The following GRIK1 variants were observed in gnomAD, a reference collection of about 807,000 sequenced individuals.
GRIK1 encodes glutamate ionotropic receptor kainate type subunit 1.
In GRIK1, 69 loss-of-function variants were observed where a neutral mutation model predicts 105.7. The observed-to-expected ratio is 0.65, with a 90% CI of 0.54 to 0.80. The LOEUF (loss-of-function observed/expected upper bound fraction) is 0.80, where lower values mean the gene tolerates loss of function less well. Among genes scored for constraint, GRIK1 ranks in the 30% least tolerant of loss-of-function variants. The probability of loss-of-function intolerance (pLI) is 0.00; values close to 1 mark genes in which losing one functional copy is unlikely to be tolerated. For missense variants in GRIK1, 1,109 were observed against 1,167.3 expected (o/e 0.95, Z 0.73); for synonymous variants, 438 against 431.3 (o/e 1.02, Z -0.19).
intron 1 of GRIK1, among the ~76,000 whole-genome samples, chr21:29,873,236 T>G (rs375911779): frequency 5.3e-5 from 8 of 152,334 alleles, no homozygotes; most frequent in African/African-American, 1.4e-4. Context: ...TTTCCTATAA[T>G]GAAGTCGTTT....
intron 1 of GRIK1, among the ~76,000 whole-genome samples, chr21:29,765,293 C>G (rs1392862543): frequency 6.6e-6 from 1 of 151,984 alleles, no homozygotes; most frequent in Non-Finnish European, 1.5e-5. Context: ...TCTAATATGT[C>G]TCTTTTTTCT....
intron 1 of GRIK1, among the ~76,000 whole-genome samples, chr21:29,709,212 T>C (rs2063985442): frequency 6.6e-6 from 1 of 152,036 alleles, no homozygotes. Flanking sequence ...CACATTGTGT[T>C]AATACTGGTT....
intron 1 of GRIK1, among the ~76,000 whole-genome samples, chr21:29,874,967 T>G (rs2069140004): frequency 1.3e-5 from 2 of 151,240 alleles, no homozygotes; most frequent in Admixed American, 1.3e-4. Flanking sequence ...ATTTTGTTAT[T>G]TTTTCATCAG....
At position 29,593,877 on chromosome 21, in the gene GRIK1, G is replaced by T. The variant is rs980149197; in HGVS notation, c.1251+2649C>A. ...AATACACCCCACAGCTTGATGTCTG[G>T]TTTTTCTTTCCTTTGCTATCTGCAC... On this transcript the variant is annotated intron_variant, in intron 9 of 17. Coordinates refer to ENST00000327783, the MANE Select transcript of GRIK1 (RefSeq NM_001330994.2). 2.6e-5 allele frequency among the ~76,000 whole-genome samples: 4 copies of T among 152,294 alleles called. No homozygotes were observed. The East Asian group carries it at 7.7e-4, about 29-fold the overall frequency.
chr21:29,677,849 C>A (rs1020822906), intron 3 of GRIK1, among the ~76,000 whole-genome samples: 12 of 152,158 alleles, frequency 7.9e-5, no homozygotes, highest in African/African-American at 2.7e-4. Context: ...TTGGAAGAGA[C>A]CTTCAGGTCA....
chr21:29,809,246 C>T (rs1033656224), intron 1 of GRIK1, among the ~76,000 whole-genome samples: 1 of 152,210 alleles, frequency 6.6e-6, no homozygotes, highest in East Asian at 1.9e-4. Context: ...ATTGTGGGGT[C>T]GGTTCAGACC....
chr21:29,577,627 T>C (rs1410484552), intron 13 of GRIK1, among the ~76,000 whole-genome samples: 1 of 152,246 alleles, frequency 6.6e-6, no homozygotes. Context: ...TTGTAAAATA[T>C]TAACATGCCA....
chr21:29,932,043 C>T (rs1364459551), intron 1 of GRIK1, among the ~76,000 whole-genome samples: 1 of 152,084 alleles, frequency 6.6e-6, no homozygotes, highest in African/African-American at 2.4e-5. Context: ...TAAAAATCTG[C>T]ATTATCACAC....
At chr21:29,796,400 G>A (rs2066556441) in intron 1 of GRIK1, among the ~76,000 whole-genome samples, 1 of 151,784 alleles carries the variant, frequency 6.6e-6, no homozygotes, top group South Asian at 2.1e-4. Flanking sequence ...TACAGGTCAA[G>A]TTTATTGTTA....
chr21:29,713,240 C>T (rs897206008), intron 1 of GRIK1, among the ~76,000 whole-genome samples: 1 of 151,922 alleles, frequency 6.6e-6, no homozygotes, highest in Non-Finnish European at 1.5e-5. Context: ...CAGGTCTCTC[C>T]TTCTTGTTAT....
chr21:29,851,898 A>G (rs2068317775), intron 1 of GRIK1, among the ~76,000 whole-genome samples: 1 of 152,186 alleles, frequency 6.6e-6, no homozygotes, highest in African/African-American at 2.4e-5. Context: ...GTTTCCCCAA[A>G]TCTGCACTGA....
At chr21:29,566,924 GGCT>G (rs2090624096) in intron 14 of GRIK1, among the ~76,000 whole-genome samples, 1 of 152,102 alleles carries the variant, frequency 6.6e-6, no homozygotes, top group South Asian at 2.1e-4. Flanking sequence ...CTCAAGGCTT[GGCT>G]AATGTTTCCA....
chr21:29,939,246 C>T (rs1370109738), intron 1 of GRIK1, 137 bp downstream of exon 1: 3 of 590,702 alleles, frequency 5.1e-6, no homozygotes, highest in Admixed American at 3.0e-5. Flanking sequence ...TGTGTAGCCT[C>T]CCATGAGCAC....
chr21:29,712,268 T>A (rs1270313432), intron 1 of GRIK1, among the ~76,000 whole-genome samples: 2 of 152,132 alleles, frequency 1.3e-5, no homozygotes, highest in African/African-American at 4.8e-5. Context: ...CAAAAGTTTA[T>A]TTAGGTAACT....
intron 1 of GRIK1, among the ~76,000 whole-genome samples, chr21:29,790,738 G>T (rs1241377150): frequency 6.6e-6 from 1 of 152,158 alleles, no homozygotes; most frequent in African/African-American, 2.4e-5. Context: ...CAGGGATGAG[G>T]CACCATGCCC....
At position 29,654,739 on chromosome 21, in the gene GRIK1, G is replaced by A. The variant is rs1406960098; in HGVS notation, c.780+71C>T. On this transcript the variant is annotated intron_variant, in intron 5 of 17. Coordinates refer to ENST00000327783, the MANE Select transcript of GRIK1 (RefSeq NM_001330994.2). The stretch of plus-strand genomic sequence containing the variant: ...AATATCCTGCCTTTGACACTGGTGA[G>A]GCCGACTCTGAAATAACTGTGTGAA... 14 of 885,072 alleles carry A rather than the reference G, an allele frequency of 1.6e-5. 1 individual carries two copies. Among genetic ancestry groups the A allele is most frequent in the Middle Eastern group, 4.3e-4 (2 of 4,672 alleles). 54.8% of individuals were successfully genotyped at this position (885,072 alleles called of 1,614,324 possible).
At chr21:29,710,408 ATCC>A (rs752990093) in intron 1 of GRIK1, among the ~76,000 whole-genome samples, 1 of 151,900 alleles carries the variant, frequency 6.6e-6, no homozygotes, top group African/African-American at 2.4e-5. Context: ...ATAGTTTTCT[ATCC>A]TGTCCTGGAA....
chr21:29,818,194 C>A (rs139522919), intron 1 of GRIK1, among the ~76,000 whole-genome samples: 1 of 152,022 alleles, frequency 6.6e-6, no homozygotes, highest in Non-Finnish European at 1.5e-5. Flanking sequence ...TGTAAAACAA[C>A]GCACATTATA....
At chr21:29,601,166 T>C (rs2061510941) in intron 7 of GRIK1, 4 of 487,212 alleles carry the variant, frequency 8.2e-6, no homozygotes, top group Non-Finnish European at 1.7e-5. Flanking sequence ...ATTCAATTCA[T>C]GTAGAGCCTG....
Sources: allele counts gnomAD v4.1 joint callset (sites outside exome capture counted in the v4.1 genomes callset), GRCh38; gene constraint gnomAD v4.1.1; transcripts MANE v1.5; gene names NCBI Gene and HGNC (gene_info 2026-07-23, HGNC 2026-07-21).